The following CSMD1 variants were observed in gnomAD, a reference collection of about 807,000 sequenced individuals.
CSMD1 encodes CUB and sushi domain-containing protein 1.
CSMD1 carries 213 observed loss-of-function variants against 417.5 expected under a neutral mutation model. The observed-to-expected ratio is 0.51, with a 90% CI of 0.46 to 0.57. The LOEUF is 0.57. Among genes scored for constraint, CSMD1 ranks in the 20% least tolerant of loss-of-function variants. The probability of loss-of-function intolerance (pLI) is 0.00; values close to 1 mark genes in which losing one functional copy is unlikely to be tolerated. For synonymous variants in CSMD1, 2,862 were observed against 1,736.8 expected (o/e 1.65, Z -16.11); for missense variants, 6,923 against 4,529.7 (o/e 1.53, Z -15.17).
At position 4,704,246 on chromosome 8, in the gene CSMD1, C is replaced by T. The variant is rs533204900; in HGVS notation, c.86-66688G>A. Reference sequence around the variant, plus strand: ...TTTAAGTCATTTGCATTTGTAATCCCTGTGCTATCCCCAAGTATACTTGGA... The same window carrying T: ...TTTAAGTCATTTGCATTTGTAATCCTTGTGCTATCCCCAAGTATACTTGGA... On this transcript the variant is annotated intron_variant, in intron 1 of 69. Coordinates refer to ENST00000635120, the MANE Select transcript of CSMD1 (RefSeq NM_033225.6). Among the ~76,000 whole-genome samples, 53 of 152,318 alleles carry T rather than the reference C, an allele frequency of 3.5e-4. No homozygotes were observed. In the East Asian group the frequency reaches 7.1e-3, roughly 20 times the overall value.
intron 2 of CSMD1, among the ~76,000 whole-genome samples, chr8:4,488,412 G>T (rs573074880): frequency 6.6e-6 from 1 of 151,956 alleles, no homozygotes; most frequent in Non-Finnish European, 1.5e-5. Context: ...GCTTGATCTC[G>T]TTGCCTCTGT....
chr8:3,042,790 C>T lies in CSMD1; in HGVS notation c.7660+9672G>A, dbSNP rs1327348837. Reference sequence around the variant, plus strand: ...CATAGACATAACCTTAGTTTTTCTACATTGAGTTATTTATATTTATAGGTC... The same window carrying T: ...CATAGACATAACCTTAGTTTTTCTATATTGAGTTATTTATATTTATAGGTC... On this transcript the variant is annotated intron_variant, in intron 50 of 69. Coordinates refer to ENST00000635120, the MANE Select transcript of CSMD1 (RefSeq NM_033225.6). 2.0e-5 allele frequency among the ~76,000 whole-genome samples: 3 copies of T among 152,040 alleles called. No homozygotes were observed. In the East Asian group the frequency reaches 5.8e-4, roughly 29 times the overall value.
chr8:4,590,094 G>A (rs892462650), intron 2 of CSMD1, among the ~76,000 whole-genome samples: 2 of 151,908 alleles, frequency 1.3e-5, no homozygotes, highest in African/African-American at 2.4e-5. Flanking sequence ...AATCTTCAAA[G>A]TTATATAGGT....
At chr8:4,162,889 G>C (rs962942539) in intron 3 of CSMD1, among the ~76,000 whole-genome samples, 1 of 152,230 alleles carries the variant, frequency 6.6e-6, no homozygotes, top group South Asian at 2.1e-4. Context: ...AAATTTCCCT[G>C]TTGATTTCCC....
chr8:4,908,505 A>T (rs1805450363), intron 1 of CSMD1, among the ~76,000 whole-genome samples: 1 of 151,768 alleles, frequency 6.6e-6, no homozygotes, highest in Non-Finnish European at 1.5e-5. Context: ...TTTTGAAACC[A>T]TTCCATAGTT....
intron 3 of CSMD1, among the ~76,000 whole-genome samples, chr8:4,407,111 G>A (rs1249477819): frequency 6.6e-6 from 1 of 152,116 alleles, no homozygotes; most frequent in Non-Finnish European, 1.5e-5. Flanking sequence ...CAGCAGAGTT[G>A]GGTAGTTACC....
At chr8:3,680,760 C>CTGATATCT (rs1799612291) in intron 7 of CSMD1, among the ~76,000 whole-genome samples, 2 of 151,952 alleles carry the variant, frequency 1.3e-5, no homozygotes, top group African/African-American at 4.8e-5. Context: ...GACCAATATC[C>CTGATATCT]CTGATGAACA....
chr8:4,717,765 C>G (rs1164971852), intron 1 of CSMD1, among the ~76,000 whole-genome samples: 2 of 152,114 alleles, frequency 1.3e-5, no homozygotes, highest in African/African-American at 4.8e-5. Flanking sequence ...CAGAAACTGT[C>G]AGATTGTCAA....
At chr8:3,637,695 T>C (rs1797117040) in intron 7 of CSMD1, among the ~76,000 whole-genome samples, 1 of 152,160 alleles carries the variant, frequency 6.6e-6, no homozygotes, top group Non-Finnish European at 1.5e-5. Context: ...CTGAATTACC[T>C]CTGGCATACA....
At chr8:4,078,559 C>T (rs76714948) in intron 3 of CSMD1, among the ~76,000 whole-genome samples, 9,976 of 151,410 alleles carry the variant, frequency 0.066, 369 homozygotes, top group Middle Eastern at 0.1. Flanking sequence ...CCACTGCGCC[C>T]GGCTGATATC....
intron 3 of CSMD1, among the ~76,000 whole-genome samples, chr8:4,233,270 G>A (rs1307089192): frequency 6.6e-6 from 1 of 152,142 alleles, no homozygotes; most frequent in Non-Finnish European, 1.5e-5. Context: ...TTCTTTGTAT[G>A]CAGAAGTGCC....
At chr8:3,579,868 C>T (rs184149793) in intron 9 of CSMD1, among the ~76,000 whole-genome samples, 146 of 152,264 alleles carry the variant, frequency 9.6e-4, no homozygotes, top group Middle Eastern at 3.4e-3. Context: ...TTTTGGAAGG[C>T]TGAGGCGGGT....
intron 10 of CSMD1, among the ~76,000 whole-genome samples, chr8:3,508,214 G>C (rs867113273): frequency 6.6e-5 from 10 of 152,124 alleles, no homozygotes; most frequent in Admixed American, 5.2e-4. Flanking sequence ...AGAAATAGCA[G>C]GTAGTAGGAA....
intron 3 of CSMD1, among the ~76,000 whole-genome samples, chr8:4,220,642 T>C (rs1800973603): frequency 6.6e-6 from 1 of 152,046 alleles, no homozygotes; most frequent in Non-Finnish European, 1.5e-5. Flanking sequence ...GGAGGTGGAA[T>C]CAACACAATT....
intron 23 of CSMD1, among the ~76,000 whole-genome samples, chr8:3,325,733 G>T (rs111876331): frequency 1.3e-5 from 2 of 152,078 alleles, no homozygotes; most frequent in Non-Finnish European, 2.9e-5. Flanking sequence ...CTGAGGCAAG[G>T]GAATTGCTTG....
intron 2 of CSMD1, among the ~76,000 whole-genome samples, chr8:4,553,019 C>A (rs1482770022): frequency 1.3e-5 from 2 of 152,198 alleles, no homozygotes; most frequent in Non-Finnish European, 2.9e-5. Flanking sequence ...CGAGTCAGAA[C>A]ATGAAGCACG....
intron 12 of CSMD1, among the ~76,000 whole-genome samples, chr8:3,410,712 G>A (rs1049311856): frequency 1.3e-5 from 2 of 152,044 alleles, no homozygotes; most frequent in Admixed American, 6.6e-5. Context: ...CTAATACAGG[G>A]GTTATGTTTT....
At chr8:4,454,411 G>A (rs1201132780) in intron 2 of CSMD1, among the ~76,000 whole-genome samples, 2 of 152,152 alleles carry the variant, frequency 1.3e-5, no homozygotes, top group Non-Finnish European at 2.9e-5. Flanking sequence ...ACCTCTAGGA[G>A]ATCTTCTTTG....
intron 5 of CSMD1, among the ~76,000 whole-genome samples, chr8:3,908,682 C>T (rs528574931): frequency 6.7e-6 from 1 of 149,970 alleles, no homozygotes; most frequent in African/African-American, 2.4e-5. Context: ...TAACATGAAA[C>T]AACTCTGGTG....
Sources: allele counts gnomAD v4.1 joint callset (sites outside exome capture counted in the v4.1 genomes callset), GRCh38; gene constraint gnomAD v4.1.1; transcripts MANE v1.5; gene names NCBI Gene and HGNC (gene_info 2026-07-23, HGNC 2026-07-21).